BLNK: variants seen among roughly 807,000 people sequenced by gnomAD.
The protein encoded by BLNK is B cell linker.
BLNK carries 29 observed loss-of-function variants against 73.5 expected under a neutral mutation model. The observed-to-expected ratio is 0.39, with a 90% CI of 0.29 to 0.54. The LOEUF (loss-of-function observed/expected upper bound fraction) is 0.54, where lower values mean the gene tolerates loss of function less well. BLNK is among the 20% of genes least tolerant of loss of function. BLNK has a pLI of 0.61. For missense variants in BLNK, 460 were observed against 562.8 expected (o/e 0.82, Z 1.85); for synonymous variants, 176 against 200.8 (o/e 0.88, Z 1.04).
intron 16 of BLNK, among the ~76,000 whole-genome samples, chr10:96,193,328 G>A (rs1184982269): frequency 3.9e-5 from 6 of 152,182 alleles, no homozygotes; most frequent in Admixed American, 2.6e-4. Context: ...GCCAGAAAAC[G>A]AAATAGCACA....
At chr10:96,222,710 G>T (rs587734930) in intron 6 of BLNK, among the ~76,000 whole-genome samples, 243 of 152,286 alleles carry the variant, frequency 1.6e-3, no homozygotes, top group African/African-American at 5.3e-3. Flanking sequence ...CACAGGTTGT[G>T]CGGGGTACCT....
intron 1 of BLNK, among the ~76,000 whole-genome samples, chr10:96,266,513 A>G (rs1024474160): frequency 7.9e-5 from 12 of 152,144 alleles, no homozygotes; most frequent in African/African-American, 2.9e-4. Context: ...TCTGAAGTCC[A>G]CTCGCACTAA....
intron 13 of BLNK, among the ~76,000 whole-genome samples, chr10:96,201,897 A>AAT (rs1564815127): frequency 6.6e-6 from 1 of 151,838 alleles, no homozygotes; most frequent in Admixed American, 6.6e-5. Context: ...ATAAGTAAAA[A>AAT]ATATATATAT....
At chr10:96,209,578 A>G (rs1404477210) in intron 9 of BLNK, among the ~76,000 whole-genome samples, 1 of 152,052 alleles carries the variant, frequency 6.6e-6, no homozygotes, top group Admixed American at 6.5e-5. Flanking sequence ...TTTTTAGTAG[A>G]GACGGGGTTT....
At chr10:96,221,141 C>G (rs1016051592) in intron 6 of BLNK, among the ~76,000 whole-genome samples, 1 of 152,216 alleles carries the variant, frequency 6.6e-6, no homozygotes, top group South Asian at 2.1e-4. Context: ...ACCTTTGTTT[C>G]CTCATCTGTA....
chr10:96,238,911 TA>T (rs1842790915), intron 3 of BLNK: 2 of 385,858 alleles, frequency 5.2e-6, no homozygotes, highest in Non-Finnish European at 9.2e-6. Context: ...CAGGGTTTCT[TA>T]AATATGATTT....
At chr10:96,211,894 C>G (rs1252128499) in intron 8 of BLNK, among the ~76,000 whole-genome samples, 5 of 152,106 alleles carry the variant, frequency 3.3e-5, no homozygotes, top group Admixed American at 3.3e-4. Context: ...GATGGAAGAT[C>G]TCAGGGAAGT....
chr10:96,256,886 A>AG (rs1228934463), intron 1 of BLNK, among the ~76,000 whole-genome samples: 5 of 151,542 alleles, frequency 3.3e-5, no homozygotes, highest in Non-Finnish European at 7.4e-5. Flanking sequence ...ATCTCAAAAA[A>AG]AAAAAAAAAA....
intron 3 of BLNK, among the ~76,000 whole-genome samples, chr10:96,232,793 G>C (rs1169806353): frequency 1.3e-5 from 2 of 150,432 alleles, no homozygotes; most frequent in Non-Finnish European, 3.0e-5. Context: ...CAATGGGGGA[G>C]TATGTTTCTT....
At chr10:96,220,965 C>T (rs2125062) in intron 6 of BLNK, among the ~76,000 whole-genome samples, 5 of 151,996 alleles carry the variant, frequency 3.3e-5, no homozygotes, top group Non-Finnish European at 7.4e-5. Context: ...ATTACTTAGC[C>T]GGAGTCATTT....
intron 6 of BLNK, 138 bp downstream of exon 6, chr10:96,223,688 G>T: frequency 1.9e-6 from 2 of 1,025,910 alleles, no homozygotes; most frequent in Non-Finnish European, 2.9e-6. Flanking sequence ...AAGTCCCTTT[G>T]GTATAATAGT....
chr10:96,204,196 A>G (rs2083734735), intron 12 of BLNK, 108 bp from the exon 13 acceptor site: 1 of 1,196,402 alleles, frequency 8.4e-7, no homozygotes, highest in African/African-American at 1.5e-5. Flanking sequence ...AAATAAATCA[A>G]TACAAATGGC....
intron 1 of BLNK, among the ~76,000 whole-genome samples, chr10:96,248,996 A>G (rs1554908391): frequency 1.3e-5 from 2 of 152,250 alleles, no homozygotes; most frequent in Non-Finnish European, 2.9e-5. Context: ...TTTTCCTCAT[A>G]ATAATTTTCT....
In BLNK at chr10:96,191,022, T is replaced by C. The variant is rs925237803; in HGVS notation, c.*951A>G. Among the ~76,000 whole-genome samples the C allele has an allele frequency of 6.6e-6, 1 of 152,160 alleles. No individual in the cohort carries two copies. Among genetic ancestry groups the C allele is most frequent in the Non-Finnish European group, 1.5e-5 (1 of 68,016 alleles). On this transcript the variant is annotated 3_prime_UTR_variant, in exon 17 of 17. Transcript: ENST00000224337. ...ATCCCCACGTGCCATGGGAGGGACC[T>C]GGTGGGAGGTAACTGAATCACGCGG...
intron 2 of BLNK, among the ~76,000 whole-genome samples, chr10:96,243,796 C>A (rs936447706): frequency 6.6e-6 from 1 of 152,084 alleles, no homozygotes; most frequent in Non-Finnish European, 1.5e-5. Context: ...ACCTCCCTTT[C>A]CACTACTTGA....
At chr10:96,198,844 G>A (rs1554895314) in intron 15 of BLNK, among the ~76,000 whole-genome samples, 1 of 152,088 alleles carries the variant, frequency 6.6e-6, no homozygotes, top group African/African-American at 2.4e-5. Flanking sequence ...GATTATAGGC[G>A]CCCGCCATCA....
At chr10:96,235,454 C>G (rs587678212) in intron 3 of BLNK, among the ~76,000 whole-genome samples, 65 of 152,294 alleles carry the variant, frequency 4.3e-4, no homozygotes, top group African/African-American at 1.5e-3. Context: ...GGGAGCAAAG[C>G]CAGGATTCCA....
chr10:96,261,790 G>A (rs1843767590), intron 1 of BLNK, among the ~76,000 whole-genome samples: 1 of 152,038 alleles, frequency 6.6e-6, no homozygotes, highest in Non-Finnish European at 1.5e-5. Flanking sequence ...TATTTGCAGT[G>A]CAATGAAATA....
chr10:96,217,025 A>G (rs1554900048), intron 6 of BLNK, among the ~76,000 whole-genome samples: 1 of 152,144 alleles, frequency 6.6e-6, no homozygotes, highest in Non-Finnish European at 1.5e-5. Context: ...TTCTTTCTCT[A>G]TAGATTTTGC....
Sources: gnomAD v4.1 joint callset for allele counts (sites outside exome capture counted in the v4.1 genomes callset) on GRCh38, gnomAD v4.1.1 for gene constraint, MANE v1.5 for transcripts, NCBI Gene and HGNC (gene_info 2026-07-23, HGNC 2026-07-21) for gene names.